Variants in RBMS1 observed in about 807,000 individuals in gnomAD.
RBMS1 encodes RNA binding motif single stranded interacting protein 1, also known as RNA-binding motif, single-stranded-interacting protein 1.
RBMS1 carries 17 observed loss-of-function variants against 62.3 expected under a neutral mutation model. That is an observed-to-expected ratio of 0.27 (90% CI 0.19 to 0.41). The LOEUF is 0.41. RBMS1 is among the 10% of genes least tolerant of loss of function. The pLI is 1.00. For synonymous variants in RBMS1, 172 were observed against 170.0 expected (o/e 1.01, Z -0.09); for missense variants, 334 against 504.5 (o/e 0.66, Z 3.24).
In RBMS1 at chr2:160,471,709, A is replaced by ATG. The variant is rs1559593825; in HGVS notation, c.75+21579_75+21580insCA. 1.3e-4 allele frequency among the ~76,000 whole-genome samples: 15 copies of ATG among 112,110 alleles called. 1 individual carries two copies. Among genetic ancestry groups the ATG allele is most frequent in the Admixed American group, 8.0e-4 (8 of 10,058 alleles). The allele number at this position is 112,110 out of a possible 152,430, so 73.5% of individuals were successfully genotyped here. On this transcript the variant is annotated intron_variant, in intron 1 of 13. Transcript: ENST00000348849. ...CTTTGGTGTATATATATATATATATATATATATAACCTTTCATACATTCTG... is the reference window on the plus strand; with the variant it reads ...CTTTGGTGTATATATATATATATATATGTATATATAACCTTTCATACATTCTG...
intron 2 of RBMS1, among the ~76,000 whole-genome samples, chr2:160,362,178 T>G (rs1373117480): frequency 6.6e-6 from 1 of 152,240 alleles, no homozygotes; most frequent in Admixed American, 6.5e-5. Context: ...GTAGGTGGTT[T>G]GATCTCCTAT....
chr2:160,438,277 T>C (rs1249331397), intron 1 of RBMS1, among the ~76,000 whole-genome samples: 1 of 150,348 alleles, frequency 6.7e-6, no homozygotes, highest in Non-Finnish European at 1.5e-5. Flanking sequence ...TTTTTTTTTT[T>C]TATTGATCAT....
At chr2:160,399,649 C>T (rs1695335139) in intron 1 of RBMS1, among the ~76,000 whole-genome samples, 2 of 152,070 alleles carry the variant, frequency 1.3e-5, no homozygotes, top group Non-Finnish European at 1.5e-5. Flanking sequence ...TGGTCTGATA[C>T]ATTTAACATA....
intron 1 of RBMS1, among the ~76,000 whole-genome samples, chr2:160,425,609 G>C (rs1247698610): frequency 6.6e-6 from 1 of 152,184 alleles, no homozygotes; most frequent in African/African-American, 2.4e-5. Flanking sequence ...GAGACTCAGA[G>C]AGTAGAAGAA....
intron 1 of RBMS1, among the ~76,000 whole-genome samples, chr2:160,406,362 A>C (rs1031515077): frequency 7.2e-5 from 11 of 152,246 alleles, no homozygotes; most frequent in Admixed American, 5.9e-4. Context: ...TAATCCTGTA[A>C]ATACCTAAAG....
At chr2:160,297,047 C>T (rs1428584905) in intron 6 of RBMS1, among the ~76,000 whole-genome samples, 3 of 152,338 alleles carry the variant, frequency 2.0e-5, no homozygotes, top group Non-Finnish European at 2.9e-5. Flanking sequence ...TCAACTTTAA[C>T]CCTTGGGCAT....
chr2:160,329,834 T>C (rs1282459350), intron 2 of RBMS1, among the ~76,000 whole-genome samples: 3 of 152,020 alleles, frequency 2.0e-5, no homozygotes, highest in East Asian at 3.9e-4. Context: ...TTGAGAAACC[T>C]TGCATAATAG....
chr2:160,407,743 G>A (rs1695831718), intron 1 of RBMS1: 19 of 981,304 alleles, frequency 1.9e-5, no homozygotes, highest in Non-Finnish European at 2.3e-5. Context: ...TAAAAGTACG[G>A]CGCGGCAGCG....
intron 4 of RBMS1, among the ~76,000 whole-genome samples, chr2:160,311,422 C>G (rs1689909221): frequency 6.6e-6 from 1 of 151,742 alleles, no homozygotes; most frequent in Non-Finnish European, 1.5e-5. Flanking sequence ...CAAAGTACAT[C>G]TCTACCCTAT....
intron 2 of RBMS1, among the ~76,000 whole-genome samples, chr2:160,345,176 T>C (rs1692107110): frequency 6.6e-6 from 1 of 152,030 alleles, no homozygotes. Context: ...GTAGAGTAAC[T>C]CAGAGGGCAC....
intron 2 of RBMS1, among the ~76,000 whole-genome samples, chr2:160,322,184 T>C (rs776926039): frequency 2.0e-5 from 3 of 152,172 alleles, no homozygotes; most frequent in Non-Finnish European, 4.4e-5. Flanking sequence ...TTTGTGCATA[T>C]GAGAAAACAA....
intron 4 of RBMS1, among the ~76,000 whole-genome samples, chr2:160,311,232 C>CTCTCTCTCTCTA (rs1553505424): frequency 1.6e-4 from 13 of 79,252 alleles, no homozygotes; most frequent in African/African-American, 5.3e-4. Context: ...ATCTATCTAT[C>CTCTCTCTCTCTA]TATATATATA....
chr2:160,299,681 C>T (rs1294507195), intron 6 of RBMS1, among the ~76,000 whole-genome samples: 1 of 152,132 alleles, frequency 6.6e-6, no homozygotes, highest in Non-Finnish European at 1.5e-5. Flanking sequence ...GGGTGTAGGT[C>T]CCCTTGCTGG....
chr2:160,405,502 G>A (rs941876168), intron 1 of RBMS1, among the ~76,000 whole-genome samples: 1 of 152,148 alleles, frequency 6.6e-6, no homozygotes, highest in Non-Finnish European at 1.5e-5. Flanking sequence ...CCAGGTCCCC[G>A]CGCTGGAAGT....
chr2:160,487,153 GCAAAA>G (rs887945991), intron 1 of RBMS1, among the ~76,000 whole-genome samples: 4 of 152,160 alleles, frequency 2.6e-5, no homozygotes, highest in Admixed American at 2.6e-4. Context: ...CAGAAAAAAT[GCAAAA>G]CAATGCTGGT....
At chr2:160,462,490 G>A (rs1446600312) in intron 1 of RBMS1, among the ~76,000 whole-genome samples, 1 of 152,168 alleles carries the variant, frequency 6.6e-6, no homozygotes, top group East Asian at 1.9e-4. Context: ...TTAAACCTAG[G>A]CGGTTTTTGA....
intron 1 of RBMS1, among the ~76,000 whole-genome samples, chr2:160,368,132 T>C (rs1003654544): frequency 3.9e-5 from 6 of 152,128 alleles, no homozygotes; most frequent in African/African-American, 1.2e-4. Context: ...TACCAGATAA[T>C]TCTCTGTGCA....
rs193191838 is a variant in RBMS1 at position 160,445,770 on chromosome 2, T to G, written c.75+47519A>C. ...AGTTCAGAGGCGGTGATGAGAGAAA[T>G]TCTGACAGTTTCAGAGGAACAACTA... On this transcript the variant is annotated intron_variant, in intron 1 of 13. Transcript: ENST00000348849. 3.0e-3 allele frequency among the ~76,000 whole-genome samples: 451 copies of G among 152,292 alleles called. 4 individuals are homozygous for G. The highest frequency in any genetic ancestry group is 0.024 in the Middle Eastern group (7 of 294).
intron 1 of RBMS1, among the ~76,000 whole-genome samples, chr2:160,422,807 C>T (rs1348450285): frequency 6.6e-6 from 1 of 152,158 alleles, no homozygotes; most frequent in Non-Finnish European, 1.5e-5. Flanking sequence ...ACCTCCCAGG[C>T]AAATCATACT....
Sources: gnomAD v4.1 joint callset for allele counts (sites outside exome capture counted in the v4.1 genomes callset) on GRCh38, gnomAD v4.1.1 for gene constraint, MANE v1.5 for transcripts, NCBI Gene and HGNC (gene_info 2026-07-23, HGNC 2026-07-21) for gene names.